Variants in CDH13 observed in about 807,000 individuals in gnomAD.
CDH13 encodes the protein cadherin 13, also known as cadherin-13.
In CDH13, 24 loss-of-function variants were observed where a neutral mutation model predicts 63.8. The ratio of observed to expected loss-of-function variants is 0.38; its 90% CI spans 0.27 to 0.53. The LOEUF (loss-of-function observed/expected upper bound fraction) is 0.53, where lower values mean the gene tolerates loss of function less well. CDH13 is among the 20% of genes least tolerant of loss of function. The pLI is 0.85. For missense variants in CDH13, 1,049 were observed against 903.1 expected (o/e 1.16, Z -2.07); for synonymous variants, 503 against 355.3 (o/e 1.42, Z -4.67).
intron 6 of CDH13, among the ~76,000 whole-genome samples, chr16:83,379,911 G>A (rs7186801): frequency 0.19 from 18,872 of 100,580 alleles, 1,585 homozygotes; most frequent in African/African-American, 0.26. Context: ...TATTATATAT[G>A]TGTGTGTGTA....
At chr16:82,796,050 C>A (rs904647920) in intron 1 of CDH13, among the ~76,000 whole-genome samples, 1 of 151,602 alleles carries the variant, frequency 6.6e-6, no homozygotes, top group African/African-American at 2.4e-5. Context: ...ACAGATGAGT[C>A]CCTTGCCCTA....
chr16:82,995,944 C>T (rs1209128472), intron 2 of CDH13, among the ~76,000 whole-genome samples: 1 of 152,208 alleles, frequency 6.6e-6, no homozygotes, highest in Non-Finnish European at 1.5e-5. Context: ...TCACAATCCT[C>T]ATACCCTTTA....
intron 8 of CDH13, among the ~76,000 whole-genome samples, chr16:83,659,928 A>G (rs985109380): frequency 7.2e-5 from 11 of 152,034 alleles, no homozygotes; most frequent in African/African-American, 2.4e-4. Context: ...CGGGGACTAC[A>G]GGCACCCGCC....
chr16:83,475,501 A>T (rs901307740), intron 6 of CDH13, among the ~76,000 whole-genome samples: 1 of 152,200 alleles, frequency 6.6e-6, no homozygotes, highest in African/African-American at 2.4e-5. Context: ...AATTAACTTT[A>T]TGTGCTAAGC....
intron 2 of CDH13, among the ~76,000 whole-genome samples, chr16:82,982,537 A>T (rs1910410712): frequency 6.6e-6 from 1 of 152,138 alleles, no homozygotes; most frequent in East Asian, 1.9e-4. Context: ...TCAAAGCTGC[A>T]TTTGCATGGC....
At chr16:83,412,791 A>G (rs1236905836) in intron 6 of CDH13, among the ~76,000 whole-genome samples, 2 of 152,238 alleles carry the variant, frequency 1.3e-5, no homozygotes, top group African/African-American at 4.8e-5. Flanking sequence ...CACATAAGCC[A>G]TGCATTTACG....
chr16:83,786,542 CTTCT>C lies in CDH13; in HGVS notation c.2134+3074_2134+3077del, dbSNP rs899563352. 2.1e-4 allele frequency among the ~76,000 whole-genome samples: 32 copies of C among 151,396 alleles called. No homozygotes were observed. In the East Asian group the frequency reaches 2.7e-3, roughly 13 times the overall value. On this transcript the variant is annotated intron_variant, in intron 13 of 13. Coordinates refer to ENST00000567109, the MANE Select transcript of CDH13 (RefSeq NM_001257.5). ...CCCTCTTTTCTTTTGTTCTTTTTTTCTTCTTTCCTTTGTCTTTCTTTTCTTTTTT... is the reference window on the plus strand; with the variant it reads ...CCCTCTTTTCTTTTGTTCTTTTTTTCTTCCTTTGTCTTTCTTTTCTTTTTT...
intron 2 of CDH13, among the ~76,000 whole-genome samples, chr16:82,984,024 A>G (rs375529561): frequency 6.6e-6 from 1 of 152,366 alleles, no homozygotes; most frequent in African/African-American, 2.4e-5. Flanking sequence ...TGGGAAGCCC[A>G]CAAGACCTTC....
chr16:82,850,383 A>G (rs2039433428), intron 1 of CDH13, among the ~76,000 whole-genome samples: 1 of 152,210 alleles, frequency 6.6e-6, no homozygotes, highest in South Asian at 2.1e-4. Context: ...GAGCTTGAAT[A>G]TGTGTGTGAA....
intron 4 of CDH13, among the ~76,000 whole-genome samples, chr16:83,135,801 AACT>A (rs981128894): frequency 6.6e-6 from 1 of 152,200 alleles, no homozygotes; most frequent in African/African-American, 2.4e-5. Context: ...TGGATAAAGA[AACT>A]GTGACATATG....
chr16:83,291,456 A>G (rs1335754889), intron 5 of CDH13, among the ~76,000 whole-genome samples: 1 of 152,126 alleles, frequency 6.6e-6, no homozygotes, highest in Non-Finnish European at 1.5e-5. Flanking sequence ...CCACCACCTG[A>G]TAGTGCAAAA....
intron 2 of CDH13, among the ~76,000 whole-genome samples, chr16:82,986,354 A>G (rs1424283368): frequency 6.6e-6 from 1 of 152,238 alleles, no homozygotes; most frequent in African/African-American, 2.4e-5. Context: ...CGCTTTGTTT[A>G]AAATGCTCAT....
At chr16:83,266,612 A>T (rs1907654202) in intron 5 of CDH13, among the ~76,000 whole-genome samples, 1 of 152,200 alleles carries the variant, frequency 6.6e-6, no homozygotes, top group South Asian at 2.1e-4. Flanking sequence ...GAATACCTAA[A>T]AAATGGAAAA....
chr16:83,329,754 A>G (rs1228905313), intron 5 of CDH13, among the ~76,000 whole-genome samples: 1 of 152,172 alleles, frequency 6.6e-6, no homozygotes, highest in Non-Finnish European at 1.5e-5. Flanking sequence ...TAGAGAGCTC[A>G]TATAAGTGGA....
At chr16:83,300,000 G>A (rs554673080) in intron 5 of CDH13, among the ~76,000 whole-genome samples, 1 of 152,086 alleles carries the variant, frequency 6.6e-6, no homozygotes, top group African/African-American at 2.4e-5. Flanking sequence ...CTCATAAGTT[G>A]TCAAATGAGA....
At chr16:83,053,782 C>T (rs914695185) in intron 3 of CDH13, among the ~76,000 whole-genome samples, 2 of 152,102 alleles carry the variant, frequency 1.3e-5, no homozygotes, top group Non-Finnish European at 1.5e-5. Context: ...ATAATAATTC[C>T]AAATTAGGAT....
intron 2 of CDH13, among the ~76,000 whole-genome samples, chr16:82,888,227 G>A (rs540458840): frequency 6.6e-6 from 1 of 152,250 alleles, no homozygotes; most frequent in South Asian, 2.1e-4. Context: ...CAAATCAGAC[G>A]GGCGCTCCCA....
intron 2 of CDH13, among the ~76,000 whole-genome samples, chr16:82,974,989 T>A (rs1260376790): frequency 2.0e-5 from 3 of 152,226 alleles, no homozygotes; most frequent in South Asian, 2.1e-4. Context: ...AGTCTCAGAA[T>A]GGCTGTCCAG....
intron 4 of CDH13, among the ~76,000 whole-genome samples, chr16:83,192,886 T>C (rs1030845300): frequency 1.3e-4 from 20 of 152,166 alleles, no homozygotes; most frequent in African/African-American, 4.8e-4. Context: ...CTGATTTTCT[T>C]TGCAGAGTTT....
Sources: allele counts gnomAD v4.1 joint callset (sites outside exome capture counted in the v4.1 genomes callset), GRCh38; gene constraint gnomAD v4.1.1; transcripts MANE v1.5; gene names NCBI Gene and HGNC (gene_info 2026-07-23, HGNC 2026-07-21).